RUVBL1: variants seen among roughly 807,000 people sequenced by gnomAD.
The protein encoded by RUVBL1 is ruvB-like 1.
In RUVBL1, 4 loss-of-function variants were observed where a neutral mutation model predicts 52.4. The observed-to-expected ratio is 0.08, with a 90% CI of 0.04 to 0.17. The LOEUF (loss-of-function observed/expected upper bound fraction) is 0.17. RUVBL1 is among the 10% of genes least tolerant of loss of function. RUVBL1 has a pLI of 1.00. For missense variants in RUVBL1, 298 were observed against 572.8 expected, an observed-to-expected ratio of 0.52 and a Z score of 4.90; for synonymous variants, 217 against 214.4, an observed-to-expected ratio of 1.01 and a Z score of -0.10.
intron 1 of RUVBL1, among the ~76,000 whole-genome samples, chr3:128,123,041 G>A (rs1000515249): frequency 9.2e-5 from 14 of 152,062 alleles, no homozygotes; most frequent in African/African-American, 3.4e-4. Context: ...CTCAGTTCCC[G>A]GATCCTGGGA....
chr3:128,116,737 A>G (rs953932921), intron 2 of RUVBL1, among the ~76,000 whole-genome samples: 2 of 152,174 alleles, frequency 1.3e-5, no homozygotes, highest in Admixed American at 1.3e-4. Flanking sequence ...CTGCTCATGG[A>G]ATCATATGAT....
At chr3:128,118,711 CAA>C (rs1943579679) in intron 2 of RUVBL1, among the ~76,000 whole-genome samples, 1 of 152,178 alleles carries the variant, frequency 6.6e-6, no homozygotes, top group African/African-American at 2.4e-5. Context: ...GGGAAAATGT[CAA>C]GTCTCAACCC....
intron 9 of RUVBL1, among the ~76,000 whole-genome samples, chr3:128,072,656 C>T (rs1942199482): frequency 6.6e-6 from 1 of 152,204 alleles, no homozygotes; most frequent in South Asian, 2.1e-4. Flanking sequence ...GCCTCAGGCT[C>T]CAGACCAGCC....
Position 128,082,424 on chromosome 3 carries a change from C to A in RUVBL1, c.1211+59G>T, listed in dbSNP as rs1281406267. The A allele has an allele frequency of 7.8e-7, 1 of 1,287,448 alleles. No individual in the cohort carries two copies. Among genetic ancestry groups the A allele is most frequent in the Admixed American group, 1.7e-5 (1 of 59,288 alleles). The allele number at this position is 1,287,448 out of a possible 1,614,324, so 79.8% of individuals were successfully genotyped here. A position where few individuals can be genotyped will look rare whatever the true frequency, so the allele number is the denominator to read the frequency against. On this transcript the variant is annotated intron_variant, in intron 10 of 10. Coordinates refer to ENST00000322623, the MANE Select transcript of RUVBL1 (RefSeq NM_003707.3). This position sits in a 1 kb window ranked among gnomAD's most constrained non-coding sequence, Gnocchi z 4.7. ...ACCTGCCTTTATTGTCCAGAATGAC[C>A]CCAGCGAGGGCCCTGGCTGTGCTGG... is the stretch of plus-strand genomic sequence containing the variant.
At chr3:128,140,937 C>T (rs1166470538) in intron 1 of RUVBL1, among the ~76,000 whole-genome samples, 1 of 152,156 alleles carries the variant, frequency 6.6e-6, no homozygotes, top group East Asian at 1.9e-4. Context: ...ACACATTTCT[C>T]AAAAAGTATC....
chr3:128,119,453 A>G lies in RUVBL1; in HGVS notation c.142-39T>C, dbSNP rs751933868. 4.5e-6 allele frequency: 7 copies of G among 1,543,528 alleles called. No individual in the cohort carries two copies. The East Asian group carries it at 1.1e-4, about 25-fold the overall frequency. ...TGGAAAGAAATAATAAATCAATATT[A>G]AAATGTTTCACAAGGGGAAAAATCT... On this transcript the variant is annotated intron_variant, in intron 1 of 10. Coordinates refer to ENST00000322623, the MANE Select transcript of RUVBL1 (RefSeq NM_003707.3).
At position 128,082,925 on chromosome 3, in the gene RUVBL1, A is replaced by T. The variant is rs1942523204; in HGVS notation, c.1120-351T>A. 1 of 199,256 alleles carries T rather than the reference A, an allele frequency of 5.0e-6. No homozygotes were observed. The highest frequency in any genetic ancestry group is 2.4e-5 in the African/African-American group (1 of 42,328). The allele number at this position is 199,256 out of a possible 1,614,324, so 12.3% of individuals were successfully genotyped here. On this transcript the variant is annotated intron_variant, in intron 9 of 10. Transcript: ENST00000322623. This position sits in a 1 kb window ranked among gnomAD's most constrained non-coding sequence, Gnocchi z 4.7. Reference sequence around the variant, plus strand: ...AGGCAGAGAACTGGGGCCTCTTCTAACCTACCCGGGGCTCCTGCAAGGGCT... The same window carrying T: ...AGGCAGAGAACTGGGGCCTCTTCTATCCTACCCGGGGCTCCTGCAAGGGCT...
exon 10 of RUVBL1, chr3:128,065,099 G>C: frequency 3.9e-6 from 6 of 1,534,080 alleles, no homozygotes; most frequent in Middle Eastern, 3.4e-4. Flanking sequence ...AGAATGCCTT[G>C]TGTGCAGTCC....
rs754072477 is a variant in RUVBL1 at position 128,097,428 on chromosome 3, C to T, written c.888G>A (p.Pro296=). The T allele has an allele frequency of 2.6e-5, 42 of 1,614,040 alleles. No homozygotes were observed. Among genetic ancestry groups the T allele is most frequent in the Non-Finnish European group, 3.1e-5 (37 of 1,180,026 alleles). ...GGACCTCATCAACAAACAGCACACC[C>T]GGGACCAGCTCAGCAATGCCCTGGT... ...YIDQGIAELV[P]GVLFVDEVHM... Residue 296 remains proline, a synonymous_variant, in exon 8 of 11, where the codon CCG becomes CCA. Coordinates refer to ENST00000322623, the MANE Select transcript of RUVBL1 (RefSeq NM_003707.3).
At chr3:128,080,544 C>A (rs1482490398), downstream of RUVBL1, among the ~76,000 whole-genome samples, 2 of 152,182 alleles carry the variant, frequency 1.3e-5, no homozygotes, top group African/African-American at 4.8e-5. Flanking sequence ...ACGATGTGAT[C>A]AGAACCACAT....
At chr3:128,099,989 ATCT>A (rs1943075649) in intron 6 of RUVBL1, among the ~76,000 whole-genome samples, 1 of 152,210 alleles carries the variant, frequency 6.6e-6, no homozygotes, top group East Asian at 1.9e-4. Context: ...GTCTTCAGTA[ATCT>A]CTTGACCAAA....
intron 9 of RUVBL1, among the ~76,000 whole-genome samples, chr3:128,087,158 C>T (rs1942667597): frequency 6.6e-6 from 1 of 152,272 alleles, no homozygotes. Context: ...ACTTGTCATG[C>T]TGTTTACAGC....
intron 2 of RUVBL1, among the ~76,000 whole-genome samples, chr3:128,118,445 G>C (rs1576473785): frequency 6.6e-6 from 1 of 152,034 alleles, no homozygotes; most frequent in East Asian, 1.9e-4. Flanking sequence ...AAAAGTTAAG[G>C]GACCTGCCTC....
At chr3:128,146,696 CAT>C (rs537189544) in intron 1 of RUVBL1, among the ~76,000 whole-genome samples, 26 of 133,518 alleles carry the variant, frequency 1.9e-4, no homozygotes, top group South Asian at 1.4e-3. Flanking sequence ...TGTGCATGCA[CAT>C]GTGTCTCTGT....
chr3:128,102,808 A>C (rs1406564407), intron 4 of RUVBL1, among the ~76,000 whole-genome samples: 1 of 152,228 alleles, frequency 6.6e-6, no homozygotes, highest in Admixed American at 6.5e-5. Flanking sequence ...GTATACTTAA[A>C]ATGGGTGAGT....
At chr3:128,079,687 G>C (rs944694211), downstream of RUVBL1, among the ~76,000 whole-genome samples, 6 of 152,208 alleles carry the variant, frequency 3.9e-5, no homozygotes, top group African/African-American at 1.4e-4. Flanking sequence ...GCCAGGCCGA[G>C]GGAGAAGATT....
intron 1 of RUVBL1, among the ~76,000 whole-genome samples, chr3:128,148,543 G>A (rs986193924): frequency 1.3e-5 from 2 of 152,088 alleles, no homozygotes; most frequent in African/African-American, 2.4e-5. Context: ...AGTTAGGAGG[G>A]GGAGGCTCCT....
intron 8 of RUVBL1, among the ~76,000 whole-genome samples, chr3:128,089,191 C>A (rs1942751248): frequency 6.6e-6 from 1 of 152,224 alleles, no homozygotes; most frequent in South Asian, 2.1e-4. Context: ...AGGGTCCAAT[C>A]CCATCTTTTG....
chr3:128,123,774 C>A lies in RUVBL1; in HGVS notation c.-50G>T. 1 of 1,541,702 alleles carries A rather than the reference C, an allele frequency of 6.5e-7. No homozygotes were observed. The highest frequency in any genetic ancestry group is 8.8e-7 in the Non-Finnish European group (1 of 1,136,058). On this transcript the variant is annotated 5_prime_UTR_variant, in exon 1 of 11. Coordinates refer to ENST00000322623, the MANE Select transcript of RUVBL1 (RefSeq NM_003707.3). ...CAGCGTGGAAAACCAGCAGCTAGGACAGTGCGCCCGGCGCCTGAGTTACCA... is the reference window on the plus strand; with the variant it reads ...CAGCGTGGAAAACCAGCAGCTAGGAAAGTGCGCCCGGCGCCTGAGTTACCA...
Sources: allele counts gnomAD v4.1 joint callset (sites outside exome capture counted in the v4.1 genomes callset), GRCh38; gene constraint gnomAD v4.1.1; non-coding constraint Gnocchi (gnomAD v3.1); transcripts MANE v1.5; gene names NCBI Gene and HGNC (gene_info 2026-07-23, HGNC 2026-07-21).